Variants in EPS15L1 observed in about 807,000 individuals in gnomAD.
The protein encoded by EPS15L1 is epidermal growth factor receptor pathway substrate 15 like 1.
A neutral mutation model predicts 117.1 loss-of-function variants in EPS15L1; 43 were observed. That is an observed-to-expected ratio of 0.37 (90% CI 0.29 to 0.47). The LOEUF (loss-of-function observed/expected upper bound fraction) is 0.47. EPS15L1 is among the 20% of genes least tolerant of loss of function. EPS15L1 has a pLI of 0.99. For synonymous variants in EPS15L1, 459 were observed against 470.5 expected, an observed-to-expected ratio of 0.98 and a Z score of 0.32; for missense variants, 981 against 1,164.0, an observed-to-expected ratio of 0.84 and a Z score of 2.29.
At position 16,471,453 on chromosome 19, in the gene EPS15L1, G is replaced by C. The variant is rs2145226595; in HGVS notation, c.33+460C>G. On this transcript the variant is annotated intron_variant, in intron 1 of 23. Coordinates refer to ENST00000455140, the MANE Select transcript of EPS15L1 (RefSeq NM_001258374.3). This position sits in a 1 kb window ranked among gnomAD's most constrained non-coding sequence, Gnocchi z 4.8. Reference sequence around the variant, plus strand: ...GCGGAAGCAGCTTCCAAGGAGGCAGGGGATCAGTCTGAGATCGCACTGCTG... The same window carrying C: ...GCGGAAGCAGCTTCCAAGGAGGCAGCGGATCAGTCTGAGATCGCACTGCTG... Among the ~76,000 whole-genome samples the C allele has an allele frequency of 6.6e-6, 1 of 152,342 alleles. No individual in the cohort carries two copies. The highest frequency in any genetic ancestry group is 6.5e-5 in the Admixed American group (1 of 15,308).
chr19:16,413,504 T>TGACCACCTTGTCAA, intron 13 of EPS15L1: 1 of 729,244 alleles, frequency 1.4e-6, no homozygotes, highest in Non-Finnish European at 2.3e-6. Context: ...AGGAGTTCAC[T>TGACCACCTTGTCAA]GACCACCTTG....
chr19:16,379,766 C>G (rs139070904), intron 21 of EPS15L1, among the ~76,000 whole-genome samples: 10 of 150,112 alleles, frequency 6.7e-5, no homozygotes, highest in Admixed American at 1.3e-4. Context: ...CTACAGTGTC[C>G]AGTCACACCA....
At chr19:16,378,184 T>C (rs967732872) in intron 21 of EPS15L1, among the ~76,000 whole-genome samples, 3 of 151,908 alleles carry the variant, frequency 2.0e-5, no homozygotes, top group Admixed American at 6.6e-5. Context: ...GAGGCAGATA[T>C]GTGGCGACGT....
At chr19:16,448,445 G>A (rs924174113) in intron 1 of EPS15L1, among the ~76,000 whole-genome samples, 9 of 151,250 alleles carry the variant, frequency 6.0e-5, no homozygotes, top group South Asian at 2.1e-4. Context: ...CAGGAGAATC[G>A]CTTGAACCCG....
At chr19:16,441,333 G>A (rs925319860) in intron 3 of EPS15L1, 5 of 209,802 alleles carry the variant, frequency 2.4e-5, no homozygotes, top group East Asian at 1.2e-4. Flanking sequence ...TTAGCCGGGC[G>A]TGGTGGCAGG....
At chr19:16,463,897 CAG>C in intron 1 of EPS15L1, among the ~76,000 whole-genome samples, 1 of 152,176 alleles carries the variant, frequency 6.6e-6, no homozygotes, top group East Asian at 1.9e-4. Flanking sequence ...AAGAGCATTC[CAG>C]AGAGAGGGAA....
rs184414374 is a variant in EPS15L1, at chr19:16,450,572, C to T, written c.34-8353G>A. Among the ~76,000 whole-genome samples, 159 of 151,322 alleles carry T rather than the reference C, an allele frequency of 1.1e-3. 2 individuals carry two copies. The highest frequency in any genetic ancestry group is 7.1e-3 in the South Asian group (34 of 4,760). On this transcript the variant is annotated intron_variant, in intron 1 of 23. Coordinates refer to ENST00000455140, the MANE Select transcript of EPS15L1 (RefSeq NM_001258374.3). Reference sequence around the variant, plus strand: ...CTCGGCTCACTGCAACCTCCGCCTCCCAGGTTCAAGTGATTCTCCTGCCTC... The same window carrying T: ...CTCGGCTCACTGCAACCTCCGCCTCTCAGGTTCAAGTGATTCTCCTGCCTC...
chr19:16,419,515 T>C (rs1026325835), intron 10 of EPS15L1, among the ~76,000 whole-genome samples: 1 of 151,440 alleles, frequency 6.6e-6, no homozygotes, highest in Non-Finnish European at 1.5e-5. Flanking sequence ...CCTTGTGGAG[T>C]AAGGACAAGG....
At chr19:16,465,797 T>C (rs1016636390) in intron 1 of EPS15L1, among the ~76,000 whole-genome samples, 9 of 151,988 alleles carry the variant, frequency 5.9e-5, no homozygotes, top group African/African-American at 1.2e-4. Flanking sequence ...AATAACTAGG[T>C]ATAAAAACAA....
chr19:16,411,085 G>A (rs938624459), intron 13 of EPS15L1, among the ~76,000 whole-genome samples: 2 of 152,194 alleles, frequency 1.3e-5, no homozygotes, highest in East Asian at 1.9e-4. Flanking sequence ...GGAAATGTCC[G>A]GAACTCCAGG....
chr19:16,417,884 C>T, intron 11 of EPS15L1, 64 bp downstream of exon 11: 1 of 1,551,820 alleles, frequency 6.4e-7, no homozygotes, highest in Non-Finnish European at 8.7e-7. Context: ...GCCACCAGTG[C>T]CACCTGGTGG....
At chr19:16,455,153 TGTTGTCC>T (rs2093182743) in intron 1 of EPS15L1, among the ~76,000 whole-genome samples, 1 of 151,770 alleles carries the variant, frequency 6.6e-6, no homozygotes, top group Non-Finnish European at 1.5e-5. Context: ...GAGACAGCTC[TGTTGTCC>T]AGGCTGGAGT....
Position 16,365,220 on chromosome 19 carries a change from T to A in EPS15L1, c.2381-3236A>T, listed in dbSNP as rs1480444598. The stretch of plus-strand genomic sequence containing the variant: ...GTGTGGGGCATGGCGGCCACCCCCC[T>A]CAGCCTGTTTCTTAATCCAAACAAA... On this transcript the variant is annotated intron_variant, in intron 22 of 23. Transcript: ENST00000455140. The surrounding 1 kb of genome is among the most constrained non-coding windows in gnomAD (Gnocchi z 4.9). Among the ~76,000 whole-genome samples, 2 of 152,152 alleles carry A rather than the reference T, an allele frequency of 1.3e-5. No homozygotes were observed. Among genetic ancestry groups the A allele is most frequent in the Admixed American group, 6.5e-5 (1 of 15,278 alleles).
intron 22 of EPS15L1, among the ~76,000 whole-genome samples, chr19:16,369,760 C>A (rs545777993): frequency 6.6e-6 from 1 of 151,292 alleles, no homozygotes; most frequent in Non-Finnish European, 1.5e-5. Context: ...AGCCAGTCTT[C>A]ATGACAAAAA....
chr19:16,446,258 A>C (rs557661089), intron 1 of EPS15L1, among the ~76,000 whole-genome samples: 1 of 152,248 alleles, frequency 6.6e-6, no homozygotes, highest in African/African-American at 2.4e-5. Flanking sequence ...ATTGTGTTCT[A>C]ACGACTCCTA....
rs148523753 is a variant in EPS15L1, at chr19:16,369,215, C to T, written c.2381-7231G>A. On this transcript the variant is annotated intron_variant, in intron 22 of 23. Coordinates refer to ENST00000455140, the MANE Select transcript of EPS15L1 (RefSeq NM_001258374.3). ...GGGAGTCCTGCAGGCACCAGCCCCG[C>T]GCGCACTCTGCCTTAGATCAAAGCT... Among the ~76,000 whole-genome samples the T allele has an allele frequency of 3.4e-3, 516 of 152,218 alleles. 3 individuals are homozygous for T. Among genetic ancestry groups the T allele is most frequent in the African/African-American group, 0.012 (478 of 41,542 alleles).
chr19:16,385,525 G>A lies in EPS15L1; in HGVS notation c.2165-314C>T, dbSNP rs6512107. On this transcript the variant is annotated intron_variant, in intron 20 of 23. Coordinates refer to ENST00000455140, the MANE Select transcript of EPS15L1 (RefSeq NM_001258374.3). ...GTCTCAATGGGTCAGGAGGCGAGGAGCAACTCCAGGGCGACCTGCCACCCA... is the reference window on the plus strand; with the variant it reads ...GTCTCAATGGGTCAGGAGGCGAGGAACAACTCCAGGGCGACCTGCCACCCA... 9.8e-3 allele frequency among the ~76,000 whole-genome samples: 1,488 copies of A among 152,316 alleles called. 20 individuals are homozygous for A. Among genetic ancestry groups the A allele is most frequent in the African/African-American group, 0.034 (1,429 of 41,554 alleles).
At chr19:16,394,581 G>C (rs1189638369) in intron 17 of EPS15L1, among the ~76,000 whole-genome samples, 1 of 152,172 alleles carries the variant, frequency 6.6e-6, no homozygotes, top group Non-Finnish European at 1.5e-5. Context: ...CTGAAACATG[G>C]ACAGAAACTT....
intron 19 of EPS15L1, among the ~76,000 whole-genome samples, chr19:16,390,209 TGAG>T (rs2092462567): frequency 6.6e-6 from 1 of 152,026 alleles, no homozygotes; most frequent in Non-Finnish European, 1.5e-5. Context: ...GTGAATAACA[TGAG>T]GAGAATGAAG....
Sources: gnomAD v4.1 joint callset for allele counts (sites outside exome capture counted in the v4.1 genomes callset) on GRCh38, gnomAD v4.1.1 for gene constraint, Gnocchi (gnomAD v3.1) non-coding constraint, MANE v1.5 for transcripts, NCBI Gene and HGNC (gene_info 2026-07-23, HGNC 2026-07-21) for gene names.